ARK2N: variants seen among roughly 807,000 people sequenced by gnomAD.
ARK2N encodes arkadia (RNF111) N-terminal like PKA signaling regulator 2N.
At chr18:46,228,934 A>G in the ARK2N span, 1 of 396,824 alleles carries the variant, frequency 2.5e-6, no homozygotes, top group Non-Finnish European at 4.4e-6. Context: ...AAGGTGTTGA[A>G]CACTAATAAT....
chr18:46,224,977 C>T, the ARK2N span, among the ~76,000 whole-genome samples: 1 of 152,190 alleles, frequency 6.6e-6, no homozygotes, highest in Non-Finnish European at 1.5e-5. Flanking sequence ...AGGGAAGTTA[C>T]AGGATTACTT....
chr18:46,211,108 T>A, the ARK2N span, among the ~76,000 whole-genome samples: 2 of 152,174 alleles, frequency 1.3e-5, no homozygotes, highest in Non-Finnish European at 2.9e-5. Context: ...GCATAAAATG[T>A]TGCTTAAATA....
the ARK2N span, among the ~76,000 whole-genome samples, chr18:46,225,887 C>T: frequency 6.6e-6 from 1 of 152,134 alleles, no homozygotes; most frequent in South Asian, 2.1e-4. Flanking sequence ...GAACATAGAA[C>T]CATATTTATA....
the ARK2N span, among the ~76,000 whole-genome samples, chr18:46,177,027 A>G: frequency 3.3e-5 from 5 of 152,214 alleles, no homozygotes; most frequent in Non-Finnish European, 7.3e-5. Context: ...TTGGGATTAG[A>G]GTTGTGAGCA....
the ARK2N span, among the ~76,000 whole-genome samples, chr18:46,203,086 G>A: frequency 6.6e-6 from 1 of 152,196 alleles, no homozygotes; most frequent in Non-Finnish European, 1.5e-5. Flanking sequence ...TTCTAGTAAA[G>A]CTGAACATAA....
the ARK2N span, among the ~76,000 whole-genome samples, chr18:46,174,875 G>T: frequency 6.6e-6 from 1 of 152,246 alleles, no homozygotes; most frequent in Non-Finnish European, 1.5e-5. Flanking sequence ...CAGTGGCCTT[G>T]GTGGAGGGAG....
At chr18:46,241,947 G>T in the ARK2N span, among the ~76,000 whole-genome samples, 34 of 152,058 alleles carry the variant, frequency 2.2e-4, no homozygotes, top group Non-Finnish European at 4.6e-4. Context: ...CTCCTGAGTA[G>T]CTGGGATTAC....
the ARK2N span, among the ~76,000 whole-genome samples, chr18:46,224,114 C>T: frequency 6.6e-6 from 1 of 152,098 alleles, no homozygotes; most frequent in Non-Finnish European, 1.5e-5. Context: ...AATAGTTGTA[C>T]ACATGTTCAG....
At chr18:46,253,685 C>G in the ARK2N span, 1 of 1,599,304 alleles carries the variant, frequency 6.3e-7, no homozygotes, top group Non-Finnish European at 8.5e-7. Flanking sequence ...TTTTCCTCCC[C>G]TTCTCTCTCA....
At chr18:46,190,309 C>CGG in the ARK2N span, among the ~76,000 whole-genome samples, 2 of 151,888 alleles carry the variant, frequency 1.3e-5, no homozygotes, top group Non-Finnish European at 2.9e-5. Context: ...CACATGAAGT[C>CGG]GGGGATTCAA....
the ARK2N span, among the ~76,000 whole-genome samples, chr18:46,261,994 T>G: frequency 6.6e-6 from 1 of 152,330 alleles, no homozygotes; most frequent in Non-Finnish European, 1.5e-5. Context: ...AAACAGCTGC[T>G]CAGGAGCCAC....
chr18:46,230,434 T>C, the ARK2N span, among the ~76,000 whole-genome samples: 1 of 152,212 alleles, frequency 6.6e-6, no homozygotes, highest in Non-Finnish European at 1.5e-5. Context: ...CTGAATTCCC[T>C]TAATTTTCCT....
the ARK2N span, among the ~76,000 whole-genome samples, chr18:46,210,608 G>T: frequency 6.6e-6 from 1 of 152,022 alleles, no homozygotes; most frequent in East Asian, 1.9e-4. Context: ...GAAAATGTGG[G>T]TTTAGAAGAG....
At chr18:46,253,565 G>A in the ARK2N span, 1 of 1,118,160 alleles carries the variant, frequency 8.9e-7, no homozygotes, top group East Asian at 2.4e-5. Flanking sequence ...CAGTTTTGCT[G>A]TGGCAAGCTC....
At chr18:46,209,846 G>A in the ARK2N span, among the ~76,000 whole-genome samples, 661 of 152,094 alleles carry the variant, frequency 4.3e-3, 5 homozygotes, top group African/African-American at 0.015. Context: ...CGCCTGCCTC[G>A]GCCTCCCAAA....
the ARK2N span, among the ~76,000 whole-genome samples, chr18:46,245,031 G>GTGAT: frequency 6.6e-6 from 1 of 152,016 alleles, no homozygotes; most frequent in Non-Finnish European, 1.5e-5. Flanking sequence ...CCTCGTTCAA[G>GTGAT]TGATTCTCCT....
chr18:46,194,842 G>C, the ARK2N span, among the ~76,000 whole-genome samples: 3 of 144,336 alleles, frequency 2.1e-5, no homozygotes, highest in East Asian at 6.3e-4. Flanking sequence ...CTCATTCTGT[G>C]GTCCAGGCTG....
At chr18:46,184,962 A>T in the ARK2N span, among the ~76,000 whole-genome samples, 4 of 152,358 alleles carry the variant, frequency 2.6e-5, no homozygotes, top group East Asian at 7.7e-4. Flanking sequence ...AAATGTAAGG[A>T]AACAGCTTTA....
chr18:46,249,387 G>T, the ARK2N span, among the ~76,000 whole-genome samples: 56 of 152,060 alleles, frequency 3.7e-4, no homozygotes, highest in African/African-American at 1.3e-3. Context: ...CCGCCACCAC[G>T]CCCGGCTAAT....
Sources: allele counts gnomAD v4.1 joint callset (sites outside exome capture counted in the v4.1 genomes callset), GRCh38; gene constraint gnomAD v4.1.1; transcripts MANE v1.5; gene names NCBI Gene and HGNC (gene_info 2026-07-23, HGNC 2026-07-21).